The following MCF2L variants were observed in gnomAD, a reference collection of about 807,000 sequenced individuals.
The protein encoded by MCF2L is guanine nucleotide exchange factor DBS.
Under a neutral mutation model 153.4 loss-of-function variants are expected in MCF2L, and 97 were observed. The observed-to-expected ratio is 0.63, with a 90% CI of 0.54 to 0.75. The LOEUF (loss-of-function observed/expected upper bound fraction) is 0.75, where lower values mean the gene tolerates loss of function less well. Among genes scored for constraint, MCF2L ranks in the 30% least tolerant of loss-of-function variants. MCF2L has a pLI of 0.00. For synonymous variants in MCF2L, 659 were observed against 632.2 expected, an observed-to-expected ratio of 1.04 and a Z score of -0.64; for missense variants, 1,347 against 1,495.2, an observed-to-expected ratio of 0.90 and a Z score of 1.64.
intron 26 of MCF2L, 135 bp downstream of exon 26, chr13:113,089,863 C>T: frequency 6.2e-7 from 1 of 1,612,818 alleles, no homozygotes; most frequent in South Asian, 1.1e-5. Context: ...CCCCTTGCTC[C>T]CCTCTTAACA....
At chr13:113,001,978 G>A in intron 1 of MCF2L, 1 of 1,584,146 alleles carries the variant, frequency 6.3e-7, no homozygotes, top group Middle Eastern at 2.1e-4. Flanking sequence ...CTGAAGGCCG[G>A]CGCAGGTGCG....
At chr13:113,033,247 C>T (rs80204168) in intron 3 of MCF2L, among the ~76,000 whole-genome samples, 1,583 of 27,568 alleles carry the variant, frequency 0.057, 15 homozygotes, top group East Asian at 0.13. Flanking sequence ...GAGTGGCCCC[C>T]GTGACATTAG....
chr13:112,962,199 G>A (rs1463031264), intron 2 of MCF2L, among the ~76,000 whole-genome samples: 1 of 140,216 alleles, frequency 7.1e-6, no homozygotes, highest in African/African-American at 2.7e-5. Flanking sequence ...GCACAAACAT[G>A]CTCACACACT....
At chr13:113,090,052 T>C in intron 26 of MCF2L, 1 of 1,573,944 alleles carries the variant, frequency 6.4e-7, no homozygotes, top group Non-Finnish European at 8.6e-7. Context: ...CATAGTTTCT[T>C]TCTCTTCCTT....
At chr13:113,080,730 C>T (rs757910210) in intron 15 of MCF2L, among the ~76,000 whole-genome samples, 21 of 152,200 alleles carry the variant, frequency 1.4e-4, no homozygotes, top group Non-Finnish European at 2.4e-4. Flanking sequence ...CGATGCCAGA[C>T]CCCCGCCCTG....
At chr13:113,076,690 T>C (rs1488654682) in intron 12 of MCF2L, among the ~76,000 whole-genome samples, 1 of 152,236 alleles carries the variant, frequency 6.6e-6, no homozygotes, top group African/African-American at 2.4e-5. Flanking sequence ...CCATCCCGCC[T>C]CCGCTGGCAG....
intron 3 of MCF2L, among the ~76,000 whole-genome samples, chr13:113,037,728 A>T (rs1051640167): frequency 1.3e-5 from 2 of 152,208 alleles, no homozygotes; most frequent in East Asian, 3.8e-4. Flanking sequence ...GGTGAGCCCC[A>T]CTTTCTGCAT....
Position 113,064,818 on chromosome 13 carries a change from C to A in MCF2L, c.607-118C>A, listed in dbSNP as rs2032103792. ...GGGAGGGCGTTCACCGTCTTTGCGT[C>A]AGCCGGTCTCACCTGATGGGTCTGT... On this transcript the variant is annotated intron_variant, in intron 6 of 29. Coordinates refer to ENST00000535094, the MANE Select transcript of MCF2L (RefSeq NM_001112732.3). This position sits in a 1 kb window ranked among gnomAD's most constrained non-coding sequence, Gnocchi z 6.0. The A allele has an allele frequency of 8.7e-7, 1 of 1,155,828 alleles. No homozygotes were observed. The highest frequency in any genetic ancestry group is 1.2e-6 in the Non-Finnish European group (1 of 823,166). 71.6% of individuals were successfully genotyped at this position (1,155,828 alleles called of 1,614,324 possible).
chr13:113,030,539 G>A (rs546012758), intron 3 of MCF2L, among the ~76,000 whole-genome samples: 12 of 147,568 alleles, frequency 8.1e-5, no homozygotes, highest in Admixed American at 1.4e-4. Context: ...GGGCCCTCGG[G>A]TGTCCACCGA....
Position 112,907,903 on chromosome 13 carries a change from G to A in MCF2L, c.169+5532G>A, listed in dbSNP as rs980126147. Among the ~76,000 whole-genome samples the A allele has an allele frequency of 8.5e-5, 13 of 152,204 alleles. No individual in the cohort carries two copies. The highest frequency in any genetic ancestry group is 3.1e-4 in the African/African-American group (13 of 41,452). ...TTTTCTTTATAGTTCTGAGTCTCGA[G>A]TGAGACGGCCTCTGAAGATGAACAT... On this transcript the variant is annotated intron_variant, in intron 2 of 29. Transcript: ENST00000375608. This position sits in a 1 kb window ranked among gnomAD's most constrained non-coding sequence, Gnocchi z 5.1.
chr13:113,044,633 G>A lies in MCF2L; in HGVS notation c.279-638G>A, dbSNP rs80173072. ...GTGAGCCCACGGAAGAGGGCTCTCC[G>A]CACCGACTCTGTGACTCAGGCTTCT... On this transcript the variant is annotated intron_variant, in intron 3 of 29. Transcript: ENST00000535094. 2.3e-3 allele frequency: 3,637 copies of A among 1,602,802 alleles called. 72 individuals are homozygous for A. The African/African-American group carries it at 0.043, about 19-fold the overall frequency.
Position 113,064,781 on chromosome 13 carries a change from G to A in MCF2L, c.607-155G>A. 1.3e-6 allele frequency: 1 copy of A among 744,354 alleles called. No homozygotes were observed. Among genetic ancestry groups the A allele is most frequent in the Non-Finnish European group, 2.2e-6 (1 of 464,370 alleles). 46.1% of individuals were successfully genotyped at this position (744,354 alleles called of 1,614,324 possible). A position where few individuals can be genotyped will look rare whatever the true frequency, so the allele number is the denominator to read the frequency against. On this transcript the variant is annotated intron_variant, in intron 6 of 29. Transcript: ENST00000535094. The surrounding 1 kb of genome is among the most constrained non-coding windows in gnomAD (Gnocchi z 6.0). Reference sequence around the variant, plus strand: ...TATGTTTCTGAAGAGGTCAAGGAGGGCAGGACGCTATGGGAGGGCGTTCAC... The same window carrying A: ...TATGTTTCTGAAGAGGTCAAGGAGGACAGGACGCTATGGGAGGGCGTTCAC...
At chr13:113,058,314 G>A (rs1369704010) in intron 4 of MCF2L, among the ~76,000 whole-genome samples, 7 of 150,214 alleles carry the variant, frequency 4.7e-5, no homozygotes, top group African/African-American at 1.2e-4. Flanking sequence ...TTGAGTGTTC[G>A]GGCACTTTGT....
intron 2 of MCF2L, among the ~76,000 whole-genome samples, chr13:113,021,040 CTG>C (rs1178134862): frequency 5.0e-5 from 7 of 141,266 alleles, no homozygotes; most frequent in Non-Finnish European, 6.3e-5. Context: ...GTGCGTGTAG[CTG>C]TGTGTGTATA....
rs1403905321 is a variant in MCF2L at position 112,918,955 on chromosome 13, G to A, written c.169+16584G>A. On this transcript the variant is annotated intron_variant, in intron 2 of 29. Transcript: ENST00000375608. ...GGCTCTGCCCCTGCGCTTCCCCGACGCGCGCCCCCTTCCACTGCACTTGCT... is the reference window on the plus strand; with the variant it reads ...GGCTCTGCCCCTGCGCTTCCCCGACACGCGCCCCCTTCCACTGCACTTGCT... Among the ~76,000 whole-genome samples, 5 of 152,170 alleles carry A rather than the reference G, an allele frequency of 3.3e-5. 1 individual carries two copies. The highest frequency in any genetic ancestry group is 7.2e-5 in the African/African-American group (3 of 41,520).
chr13:113,087,395 G>A lies in MCF2L; in HGVS notation c.2534G>A (p.Arg845Lys). The change falls in exon 22 of 30, where the codon AGG (arginine) becomes AAG (lysine). Residue 845 changes from arginine to lysine, a missense_variant. By Grantham distance (26) the Arg-to-Lys change is conservative. Around this residue, in one of 3 missense-constraint regions of MCF2L, gnomAD observed 144 missense variants for 238.7 expected, o/e 0.60. Transcript: ENST00000535094. The stretch of plus-strand genomic sequence containing the variant: ...AAGGCAGTGCTCTTCTGCAAGAAGA[G>A]GGAGGAGAATGGGGAGGGGTATGAG... ...HEKAVLFCKKREENGEGYEKA... is the reference protein window; with the variant it reads ...HEKAVLFCKKKEENGEGYEKA... The A allele has an allele frequency of 1.2e-6, 2 of 1,613,396 alleles. No homozygotes were observed. Among genetic ancestry groups the A allele is most frequent in the Non-Finnish European group, 1.7e-6 (2 of 1,179,988 alleles).
intron 2 of MCF2L, among the ~76,000 whole-genome samples, chr13:112,953,360 C>A (rs538624796): frequency 7.2e-5 from 11 of 152,296 alleles, no homozygotes; most frequent in South Asian, 6.2e-4. Context: ...TCCCAGGGAA[C>A]ATGGCCCAGA....
chr13:112,954,545 G>T (rs1436422025), intron 2 of MCF2L, among the ~76,000 whole-genome samples: 1 of 152,224 alleles, frequency 6.6e-6, no homozygotes, highest in Admixed American at 6.5e-5. Flanking sequence ...AGGAGGGTTT[G>T]CATGGAATGA....
At position 112,983,418 on chromosome 13, in the gene MCF2L, A is replaced by C. The variant is rs1405844378; in HGVS notation, c.79+13960A>C. ...TTGCAGGATGAGCCTCCTCCCTTCT[A>C]TCCGGCAGGTGGCCTTCTCCAGGCA... On this transcript the variant is annotated intron_variant, in intron 1 of 29. Transcript: ENST00000535094. The surrounding 1 kb of genome is among the most constrained non-coding windows in gnomAD (Gnocchi z 4.0). Among the ~76,000 whole-genome samples, 1 of 152,146 alleles carries C rather than the reference A, an allele frequency of 6.6e-6. No individual in the cohort carries two copies. The highest frequency in any genetic ancestry group is 6.5e-5 in the Admixed American group (1 of 15,276).
Sources: allele counts gnomAD v4.1 joint callset (sites outside exome capture counted in the v4.1 genomes callset), GRCh38; gene constraint gnomAD v4.1.1; regional missense constraint gnomAD v4.1.1; non-coding constraint Gnocchi (gnomAD v3.1); transcripts MANE v1.5; gene names NCBI Gene and HGNC (gene_info 2026-07-23, HGNC 2026-07-21).